Variants in IFT52 observed in about 807,000 individuals in gnomAD.
The protein encoded by IFT52 is intraflagellar transport 52.
A neutral mutation model predicts 54.4 loss-of-function variants in IFT52; 44 were observed. That is an observed-to-expected ratio of 0.81 (90% CI 0.63 to 1.04). The LOEUF is 1.04. Ranked by LOEUF, IFT52 falls within the 50% of genes least tolerant of loss-of-function variation. The pLI, the probability that IFT52 is intolerant of heterozygous loss-of-function variation, is 0.00. For synonymous variants in IFT52, 181 were observed against 185.3 expected, an observed-to-expected ratio of 0.98 and a Z score of 0.19; for missense variants, 452 against 523.6, an observed-to-expected ratio of 0.86 and a Z score of 1.33.
rs1218331004 is a variant in IFT52, at chr20:43,603,552, C to A, written c.208-208C>A. Among the ~76,000 whole-genome samples the A allele has an allele frequency of 1.3e-5, 2 of 152,096 alleles. 1 individual carries two copies. The highest frequency in any genetic ancestry group is 4.1e-4 in the South Asian group (2 of 4,830). On this transcript the variant is annotated intron_variant, in intron 3 of 13. Transcript: ENST00000373030. ...TCTAGATAGTCAGCTTTGAAATTGTCAATTTACTTTGAGTATTTTGGAGCT... is the reference window on the plus strand; with the variant it reads ...TCTAGATAGTCAGCTTTGAAATTGTAAATTTACTTTGAGTATTTTGGAGCT...
chr20:43,646,160 G>A (rs900485658), intron 13 of IFT52, among the ~76,000 whole-genome samples: 5 of 150,482 alleles, frequency 3.3e-5, no homozygotes, highest in Admixed American at 2.7e-4. Context: ...GCAGTGAGCC[G>A]AGATCACGCC....
chr20:43,618,607 G>A (rs181352979), intron 7 of IFT52, among the ~76,000 whole-genome samples: 7 of 151,558 alleles, frequency 4.6e-5, no homozygotes, highest in Non-Finnish European at 1.0e-4. Context: ...TCAGCCTCCC[G>A]AGTAGCTGGG....
At chr20:43,626,800 T>A (rs201377288) in intron 10 of IFT52, among the ~76,000 whole-genome samples, 38 of 14,424 alleles carry the variant, frequency 2.6e-3, no homozygotes, top group Middle Eastern at 0.038. Flanking sequence ...GTGTTAAAAG[T>A]GTTGATAGAG....
chr20:43,618,912 G>C (rs1449283271), intron 7 of IFT52, 28 bp from the exon 8 acceptor site: 11 of 1,519,510 alleles, frequency 7.2e-6, no homozygotes, highest in Non-Finnish European at 8.2e-6. Flanking sequence ...TCGGATTTGA[G>C]TATCTGACCC....
chr20:43,615,928 C>T (rs1188185878), intron 7 of IFT52, among the ~76,000 whole-genome samples: 1 of 111,174 alleles, frequency 9.0e-6, no homozygotes, highest in East Asian at 2.7e-4. Flanking sequence ...GAGTGAGACT[C>T]CGTCTCAAAG....
intron 3 of IFT52, among the ~76,000 whole-genome samples, chr20:43,601,007 T>G (rs1982401034): frequency 1.3e-5 from 2 of 152,046 alleles, no homozygotes; most frequent in Non-Finnish European, 2.9e-5. Context: ...AGGCTGAGCT[T>G]CTTTTGTTTG....
In IFT52 at chr20:43,637,011, G is replaced by T. The variant is rs1985581731; in HGVS notation, c.1012-134G>T. The T allele has an allele frequency of 6.8e-6, 4 of 590,792 alleles. No individual in the cohort carries two copies. The Admixed American group carries it at 1.2e-4, about 17-fold the overall frequency. The allele number at this position is 590,792 out of a possible 1,614,324, so 36.6% of individuals were successfully genotyped here. On this transcript the variant is annotated intron_variant, in intron 11 of 13. Transcript: ENST00000373030. ...GTGTGGTTCCCAACTGAGGAATTAAGGATGTGAACTTCCTTATTCTCCTTG... is the reference window on the plus strand; with the variant it reads ...GTGTGGTTCCCAACTGAGGAATTAATGATGTGAACTTCCTTATTCTCCTTG...
intron 1 of IFT52, among the ~76,000 whole-genome samples, chr20:43,592,071 C>A (rs932953623): frequency 1.6e-4 from 24 of 152,128 alleles, no homozygotes; most frequent in Admixed American, 2.6e-4. Context: ...AATAATTAAA[C>A]CAGTCGAGCG....
chr20:43,611,524 A>C (rs928394482), intron 6 of IFT52, among the ~76,000 whole-genome samples: 23 of 133,168 alleles, frequency 1.7e-4, no homozygotes, highest in Non-Finnish European at 2.9e-4. Context: ...TCTCACTGCA[A>C]CCTCCACCTC....
At chr20:43,591,229 G>A (rs1981486023) in intron 1 of IFT52, among the ~76,000 whole-genome samples, 175 bp downstream of exon 1, 1 of 152,254 alleles carries the variant, frequency 6.6e-6, no homozygotes, top group Non-Finnish European at 1.5e-5. Flanking sequence ...CCCCGGCTGG[G>A]CGCCCATCTC....
chr20:43,605,531 A>G (rs1028306709), intron 6 of IFT52, among the ~76,000 whole-genome samples: 4 of 152,158 alleles, frequency 2.6e-5, no homozygotes, highest in Non-Finnish European at 5.9e-5. Flanking sequence ...TGGGCAACAG[A>G]GCAAGACTCC....
intron 3 of IFT52, among the ~76,000 whole-genome samples, chr20:43,598,129 T>C (rs1326316919): frequency 2.0e-5 from 3 of 152,176 alleles, no homozygotes; most frequent in African/African-American, 7.2e-5. Context: ...GTAATTCTGA[T>C]ACATGCTACA....
chr20:43,599,244 G>A (rs1213297370), intron 3 of IFT52, among the ~76,000 whole-genome samples: 1 of 152,154 alleles, frequency 6.6e-6, no homozygotes, highest in Non-Finnish European at 1.5e-5. Context: ...CGAAGCCAAT[G>A]AGAGAGTTGG....
At position 43,610,232 on chromosome 20, in the gene IFT52, C is replaced by G. The variant is rs1457375161; in HGVS notation, c.486-3618C>G. ...GCTTGAACCCGGGAGGCGGAGGGTGCGATGAGCCGAGATTGCATCACTGCA... is the reference window on the plus strand; with the variant it reads ...GCTTGAACCCGGGAGGCGGAGGGTGGGATGAGCCGAGATTGCATCACTGCA... On this transcript the variant is annotated intron_variant, in intron 6 of 13. Transcript: ENST00000373030. 4.9e-5 allele frequency among the ~76,000 whole-genome samples: 7 copies of G among 142,580 alleles called. No individual in the cohort carries two copies. In the East Asian group the frequency reaches 1.4e-3, roughly 29 times the overall value. The allele number at this position is 142,580 out of a possible 152,430, so 93.5% of individuals were successfully genotyped here.
intron 6 of IFT52, among the ~76,000 whole-genome samples, chr20:43,605,376 A>G (rs946047727): frequency 3.9e-5 from 6 of 152,136 alleles, no homozygotes; most frequent in African/African-American, 9.7e-5. Context: ...GCAAAATCCC[A>G]TCTCTACTAA....
intron 6 of IFT52, chr20:43,605,361 A>T (rs1480153012): frequency 1.2e-5 from 6 of 490,780 alleles, no homozygotes; most frequent in African/African-American, 1.1e-4. Flanking sequence ...AGTGTAACCA[A>T]CATGGCAAAA....
At chr20:43,619,452 T>C (rs1031060059) in intron 8 of IFT52, among the ~76,000 whole-genome samples, 1 of 152,126 alleles carries the variant, frequency 6.6e-6, no homozygotes, top group Non-Finnish European at 1.5e-5. Context: ...ATGAAAGAAC[T>C]TCTAGAATGT....
intron 11 of IFT52, among the ~76,000 whole-genome samples, chr20:43,636,922 G>A (rs1985574695): frequency 6.6e-6 from 1 of 152,122 alleles, no homozygotes; most frequent in African/African-American, 2.4e-5. Context: ...ACGAGGTGAT[G>A]GGAGTTTGGG....
At chr20:43,606,132 A>G (rs1475033984) in intron 6 of IFT52, among the ~76,000 whole-genome samples, 1 of 151,798 alleles carries the variant, frequency 6.6e-6, no homozygotes, top group Non-Finnish European at 1.5e-5. Flanking sequence ...GAGGCAGGAG[A>G]ATCACTTGAA....
Sources: allele counts gnomAD v4.1 joint callset (sites outside exome capture counted in the v4.1 genomes callset), GRCh38; gene constraint gnomAD v4.1.1; transcripts MANE v1.5; gene names NCBI Gene and HGNC (gene_info 2026-07-23, HGNC 2026-07-21).